The following ACSM3 variants were observed in gnomAD, a reference collection of about 807,000 sequenced individuals.
ACSM3 encodes the protein acyl-coenzyme A synthetase ACSM3, mitochondrial.
A neutral mutation model predicts 74.1 loss-of-function variants in ACSM3; 61 were observed. That is an observed-to-expected ratio of 0.82 (90% CI 0.67 to 1.02). The LOEUF (loss-of-function observed/expected upper bound fraction) is 1.02. Among genes scored for constraint, ACSM3 ranks in the 50% least tolerant of loss-of-function variants. The pLI is 0.00. For missense variants in ACSM3, 660 were observed against 697.0 expected (o/e 0.95, Z 0.60); for synonymous variants, 213 against 241.5 (o/e 0.88, Z 1.09).
chr16:20,693,523 G>T (rs2079673985), intron 1 of ACSM3, among the ~76,000 whole-genome samples: 1 of 152,132 alleles, frequency 6.6e-6, no homozygotes, highest in Admixed American at 6.6e-5. Context: ...GTTCCCTCTT[G>T]CTCACTTTCA....
At chr16:20,782,640 ACT>A (rs1376495291) in intron 7 of ACSM3, among the ~76,000 whole-genome samples, 1 of 151,992 alleles carries the variant, frequency 6.6e-6, no homozygotes, top group East Asian at 1.9e-4. Flanking sequence ...CAGGTTAATG[ACT>A]CAGTCCCACA....
chr16:20,728,871 C>T (rs544045813), intron 1 of ACSM3, among the ~76,000 whole-genome samples: 13 of 152,128 alleles, frequency 8.5e-5, no homozygotes, highest in Admixed American at 3.9e-4. Context: ...TTTTGGGAGG[C>T]TGAGGTGGGA....
chr16:20,685,161 G>A (rs757467727), intron 1 of ACSM3: 21 of 1,612,024 alleles, frequency 1.3e-5, no homozygotes, highest in Admixed American at 6.7e-5. Flanking sequence ...GAACAGCCCC[G>A]AGGTCCACCA....
chr16:20,703,435 T>G (rs544619892), intron 1 of ACSM3: 25 of 152,364 alleles, frequency 1.6e-4, no homozygotes, highest in African/African-American at 5.3e-4. Context: ...TGATTCTTCC[T>G]ATCCATGAGC....
chr16:20,697,797 G>C (rs866486047), intron 1 of ACSM3: 3 of 152,354 alleles, frequency 2.0e-5, no homozygotes, highest in Admixed American at 2.0e-4. Flanking sequence ...ACCTTGAACA[G>C]AGAACTTGTT....
upstream of ACSM3, among the ~76,000 whole-genome samples, chr16:20,762,459 G>A (rs1378390023): frequency 6.6e-6 from 1 of 152,038 alleles, no homozygotes; most frequent in African/African-American, 2.4e-5. Flanking sequence ...TATCATAAAA[G>A]ATCTAACATG....
intron 1 of ACSM3, among the ~76,000 whole-genome samples, chr16:20,702,055 C>T (rs772133216): frequency 6.6e-6 from 1 of 152,128 alleles, no homozygotes; most frequent in Non-Finnish European, 1.5e-5. Context: ...TAGGTATATA[C>T]CCAGTAATGG....
intron 1 of ACSM3, among the ~76,000 whole-genome samples, chr16:20,732,097 G>T (rs1305228413): frequency 6.6e-6 from 1 of 152,080 alleles, no homozygotes; most frequent in Non-Finnish European, 1.5e-5. Context: ...TAAATTCAAA[G>T]AACATACCTG....
At chr16:20,725,887 C>T (rs1029639992) in intron 1 of ACSM3, among the ~76,000 whole-genome samples, 11 of 152,234 alleles carry the variant, frequency 7.2e-5, no homozygotes, top group Admixed American at 4.6e-4. Context: ...GCAGGAGAAT[C>T]GCTTGAACCC....
chr16:20,732,138 A>C (rs1567327238), intron 1 of ACSM3, among the ~76,000 whole-genome samples: 1 of 152,160 alleles, frequency 6.6e-6, no homozygotes, highest in African/African-American at 2.4e-5. Context: ...TAATATTCAG[A>C]AAGAATACCC....
At position 20,697,965 on chromosome 16, in the gene ACSM3, C is replaced by A. The variant is rs980854969; in HGVS notation, c.-190+23143C>A. Among the ~76,000 whole-genome samples the A allele has an allele frequency of 1.1e-4, 17 of 152,098 alleles. No individual in the cohort carries two copies. The East Asian group carries it at 1.7e-3, about 16-fold the overall frequency. On this transcript the variant is annotated intron_variant, in intron 1 of 3. Transcript: ENST00000561584. ...ATCCCAGCACATTGGGAGGCCGAGG[C>A]GGGCGGATCACGAGGTCAGGAGATG...
At chr16:20,692,529 C>T (rs1404398624) in intron 1 of ACSM3, among the ~76,000 whole-genome samples, 4 of 152,000 alleles carry the variant, frequency 2.6e-5, no homozygotes, top group Non-Finnish European at 4.4e-5. Flanking sequence ...AGACACCAGA[C>T]GTCAGAGAGA....
chr16:20,739,990 C>G (rs901970838), intron 1 of ACSM3, among the ~76,000 whole-genome samples: 7 of 152,192 alleles, frequency 4.6e-5, no homozygotes, highest in Non-Finnish European at 8.8e-5. Context: ...GACCAGGTAT[C>G]TGTGTGCCTC....
chr16:20,763,551 C>T (rs1323640672), upstream of ACSM3, among the ~76,000 whole-genome samples: 2 of 152,114 alleles, frequency 1.3e-5, no homozygotes. Context: ...TGTAAGGACT[C>T]GGATTTTACC....
At chr16:20,685,154 C>G in intron 1 of ACSM3, 1 of 1,608,936 alleles carries the variant, frequency 6.2e-7, no homozygotes, top group Non-Finnish European at 8.5e-7. Context: ...GGTTCTAGAA[C>G]AGCCCCGAGG....
chr16:20,789,410 C>G, intron 9 of ACSM3: 1 of 1,142,000 alleles, frequency 8.8e-7, no homozygotes, highest in Non-Finnish European at 1.3e-6. Flanking sequence ...ATGCTAGCTA[C>G]TGGTAGACAC....
At chr16:20,685,209 C>T in intron 1 of ACSM3, 1 of 1,614,126 alleles carries the variant, frequency 6.2e-7, no homozygotes, top group Non-Finnish European at 8.5e-7. Flanking sequence ...GCATGCAGCC[C>T]ACAGCCACCA....
chr16:20,722,425 G>A (rs1427666865), intron 1 of ACSM3: 1 of 152,118 alleles, frequency 6.6e-6, no homozygotes, highest in Non-Finnish European at 1.5e-5. Flanking sequence ...GGGACATAGT[G>A]GAACTTCTCC....
chr16:20,753,622 G>A (rs1156813566), intron 2 of ACSM3, among the ~76,000 whole-genome samples: 7 of 151,934 alleles, frequency 4.6e-5, no homozygotes, highest in Non-Finnish European at 2.9e-5. Flanking sequence ...CCACAATAAG[G>A]AAGAAAAAGA....
Sources: gnomAD v4.1 joint callset for allele counts (sites outside exome capture counted in the v4.1 genomes callset) on GRCh38, gnomAD v4.1.1 for gene constraint, MANE v1.5 for transcripts, NCBI Gene and HGNC (gene_info 2026-07-23, HGNC 2026-07-21) for gene names.